The following CRIM1 variants were observed in gnomAD, a reference collection of about 807,000 sequenced individuals.
CRIM1 encodes cysteine rich transmembrane BMP regulator 1.
CRIM1 carries 32 observed loss-of-function variants against 116.4 expected under a neutral mutation model. The ratio of observed to expected loss-of-function variants is 0.27; its 90% CI spans 0.21 to 0.37. The LOEUF (loss-of-function observed/expected upper bound fraction) is 0.37. Ranked by LOEUF, CRIM1 falls within the 10% of genes least tolerant of loss-of-function variation. The pLI is 1.00. For synonymous variants in CRIM1, 590 were observed against 509.2 expected (o/e 1.16, Z -2.13); for missense variants, 1,331 against 1,354.8 (o/e 0.98, Z 0.28).
chr2:36,419,661 C>T (rs1486676962), intron 2 of CRIM1, among the ~76,000 whole-genome samples: 1 of 152,140 alleles, frequency 6.6e-6, no homozygotes, highest in Non-Finnish European at 1.5e-5. Context: ...TATTATTTCT[C>T]TTATTTCTGA....
At position 36,513,684 on chromosome 2, in the gene CRIM1, A is replaced by G. The variant is rs756549856; in HGVS notation, c.1909A>G (p.Met637Val). Residue 637 changes from methionine to valine, a missense_variant, in exon 11 of 17, where the codon ATG becomes GTG. Met to Val is a conservative substitution (Grantham distance 21). Transcript: ENST00000280527. The part of the protein sequence containing the change: ...RECYCLNGRE[M>V]CALITCPVPA... ...ATGCTACTGTCTCAATGGACGGGAA[A>G]TGTGTGCCCTGATCACCTGCCCGGT... 3.1e-6 allele frequency: 5 copies of G among 1,614,208 alleles called. No homozygotes were observed. In the Admixed American group the frequency reaches 5.0e-5, roughly 16 times the overall value.
At chr2:36,402,445 G>T (rs1362149169) in intron 2 of CRIM1, among the ~76,000 whole-genome samples, 2 of 151,816 alleles carry the variant, frequency 1.3e-5, no homozygotes, top group Non-Finnish European at 2.9e-5. Context: ...ACCAGAATGG[G>T]GGGGAGGGAG....
intron 1 of CRIM1, among the ~76,000 whole-genome samples, chr2:36,357,531 G>A (rs1431077586): frequency 6.6e-6 from 1 of 152,184 alleles, no homozygotes; most frequent in Non-Finnish European, 1.5e-5. Flanking sequence ...AGTGCGTGTT[G>A]GCTTTAATCC....
At chr2:36,541,767 T>C (rs1046213398) in intron 14 of CRIM1, among the ~76,000 whole-genome samples, 2 of 152,190 alleles carry the variant, frequency 1.3e-5, no homozygotes, top group South Asian at 2.1e-4. Context: ...TAGCTTTGTG[T>C]AAATCTCCCT....
intron 4 of CRIM1, among the ~76,000 whole-genome samples, chr2:36,453,263 C>G (rs1481661527): frequency 6.6e-6 from 1 of 152,212 alleles, no homozygotes; most frequent in African/African-American, 2.4e-5. Context: ...TGGCCTTGGT[C>G]AGTCTGTTGT....
chr2:36,371,819 CTGA>C (rs1320849220), intron 1 of CRIM1, among the ~76,000 whole-genome samples: 1 of 152,142 alleles, frequency 6.6e-6, no homozygotes, highest in Non-Finnish European at 1.5e-5. Context: ...TGCCAGGGAT[CTGA>C]TATACTAAAC....
chr2:36,542,142 T>TA (rs1392479049), intron 14 of CRIM1, among the ~76,000 whole-genome samples: 1 of 152,090 alleles, frequency 6.6e-6, no homozygotes, highest in East Asian at 1.9e-4. Context: ...AGTGAGCTAA[T>TA]ACACAGGACA....
chr2:36,400,175 G>A (rs1339391794), intron 2 of CRIM1, among the ~76,000 whole-genome samples: 1 of 152,200 alleles, frequency 6.6e-6, no homozygotes, highest in Non-Finnish European at 1.5e-5. Context: ...ACAAAATCAG[G>A]GAGTCAGTGA....
intron 4 of CRIM1, among the ~76,000 whole-genome samples, chr2:36,449,499 T>C (rs945066727): frequency 2.0e-4 from 31 of 152,192 alleles, no homozygotes; most frequent in African/African-American, 7.2e-4. Context: ...CATCACCTGG[T>C]GCTGTTCAGA....
At chr2:36,464,724 T>G (rs779810812) in intron 5 of CRIM1, 69 bp downstream of exon 5, 1 of 1,571,502 alleles carries the variant, frequency 6.4e-7, no homozygotes, top group South Asian at 1.1e-5. Flanking sequence ...AGGGTTCAAC[T>G]TAGCTGCTTC....
At chr2:36,437,242 G>T (rs1675387519) in intron 2 of CRIM1, among the ~76,000 whole-genome samples, 1 of 152,152 alleles carries the variant, frequency 6.6e-6, no homozygotes. Context: ...GGGCGAGGTG[G>T]TGGGCGCCTG....
At position 36,548,020 on chromosome 2, in the gene CRIM1, T is replaced by C. The variant is rs566168356; in HGVS notation, c.2935-505T>C. Among the ~76,000 whole-genome samples, 5 of 152,318 alleles carry C rather than the reference T, an allele frequency of 3.3e-5. No homozygotes were observed. The South Asian group carries it at 8.3e-4, about 25-fold the overall frequency. On this transcript the variant is annotated intron_variant, in intron 16 of 16. Transcript: ENST00000280527. ...CGATTTTTCTTTGAACAAATGTACATTGGGCACAGCCTCTGTGCTGGGTCA... is the reference window on the plus strand; with the variant it reads ...CGATTTTTCTTTGAACAAATGTACACTGGGCACAGCCTCTGTGCTGGGTCA...
At chr2:36,502,793 C>T (rs151184754) in intron 8 of CRIM1, among the ~76,000 whole-genome samples, 197 of 152,326 alleles carry the variant, frequency 1.3e-3, no homozygotes, top group African/African-American at 4.5e-3. Context: ...TCCCAGGGCT[C>T]TACTTGGTGC....
intron 6 of CRIM1, 106 bp downstream of exon 6, chr2:36,477,177 A>T (rs1232881697): frequency 1.1e-6 from 1 of 946,248 alleles, no homozygotes; most frequent in East Asian, 2.9e-5. Context: ...GGAATATTGA[A>T]GTTCCTTTTT....
Position 36,442,652 on chromosome 2 carries a change from T to C in CRIM1, c.786T>C (p.Pro262=). Residue 262 remains proline (P), a synonymous_variant, in exon 4 of 17, where the codon CCT becomes CCC. Transcript: ENST00000280527. ...ACTGCAGGACTGTGGAATGCCCTCCTGTTCAGCAGACCGCGTGTCCCCCGG... is the reference window on the plus strand; with the variant it reads ...ACTGCAGGACTGTGGAATGCCCTCCCGTTCAGCAGACCGCGTGTCCCCCGG... The part of the protein sequence containing the change: ...GVDCRTVECP[P]VQQTACPPDS... 1 of 1,614,206 alleles carries C rather than the reference T, an allele frequency of 6.2e-7. No individual in the cohort carries two copies. The highest frequency in any genetic ancestry group is 8.5e-7 in the Non-Finnish European group (1 of 1,180,016).
intron 2 of CRIM1, among the ~76,000 whole-genome samples, chr2:36,409,325 A>T (rs762815521): frequency 6.6e-6 from 1 of 152,162 alleles, no homozygotes. Flanking sequence ...TTTAAATTTA[A>T]ATTTACCCTT....
intron 2 of CRIM1, among the ~76,000 whole-genome samples, chr2:36,412,607 A>G (rs1673300441): frequency 6.6e-6 from 1 of 152,142 alleles, no homozygotes; most frequent in Non-Finnish European, 1.5e-5. Context: ...TTGTATCAAG[A>G]TTTTTGCCAT....
chr2:36,550,644 C>CTGTT lies in CRIM1; in HGVS notation c.*1946_*1949dup, dbSNP rs1667706208. 6.6e-6 allele frequency: 1 copy of CTGTT among 152,336 alleles called. No individual in the cohort carries two copies. Among genetic ancestry groups the CTGTT allele is most frequent in the African/African-American group, 2.4e-5 (1 of 41,392 alleles). The allele number at this position is 152,336 out of a possible 1,614,324, so 9.4% of individuals were successfully genotyped here. On this transcript the variant is annotated 3_prime_UTR_variant, in exon 17 of 17. Coordinates refer to ENST00000280527, the MANE Select transcript of CRIM1 (RefSeq NM_016441.3). Reference sequence around the variant, plus strand: ...AAAGAAAAAGAAAAAGGTGTTCTAGCTGTTTGCATCAAAGGAAAAAAAGAT... The same window carrying CTGTT: ...AAAGAAAAAGAAAAAGGTGTTCTAGCTGTTTGTTTGCATCAAAGGAAAAAAAGAT...
intron 5 of CRIM1, among the ~76,000 whole-genome samples, chr2:36,474,255 C>G (rs1158533627): frequency 6.6e-6 from 1 of 152,094 alleles, no homozygotes; most frequent in Non-Finnish European, 1.5e-5. Context: ...ATTGCAAATA[C>G]TTTCTCCCAA....
Sources: allele counts gnomAD v4.1 joint callset (sites outside exome capture counted in the v4.1 genomes callset), GRCh38; gene constraint gnomAD v4.1.1; transcripts MANE v1.5; gene names NCBI Gene and HGNC (gene_info 2026-07-23, HGNC 2026-07-21).